Variants in ESR1 observed in about 807,000 individuals in gnomAD.
ESR1 encodes the protein estrogen receptor 1, also known as estrogen receptor.
Under a neutral mutation model 52.7 loss-of-function variants are expected in ESR1, and 12 were observed. That is an observed-to-expected ratio of 0.23 (90% confidence interval 0.15 to 0.37). ESR1 has a LOEUF of 0.37. ESR1 is among the 10% of genes least tolerant of loss of function. The pLI, the probability that ESR1 is intolerant of heterozygous loss-of-function variation, is 1.00. For missense variants in ESR1, 584 were observed against 779.7 expected (o/e 0.75, Z 2.99); for synonymous variants, 305 against 316.8 (o/e 0.96, Z 0.39).
At chr6:151,906,827 C>T (rs1378329702) in intron 3 of ESR1, among the ~76,000 whole-genome samples, 1 of 150,572 alleles carries the variant, frequency 6.6e-6, no homozygotes, top group Non-Finnish European at 1.5e-5. Flanking sequence ...ATCTTTCCTT[C>T]CCTGGACGCT....
chr6:152,082,072 A>G (rs544182914), intron 6 of ESR1, among the ~76,000 whole-genome samples: 1 of 152,340 alleles, frequency 6.6e-6, no homozygotes, highest in Admixed American at 6.5e-5. Flanking sequence ...AAACTATTCC[A>G]ATCAATAGAA....
At chr6:151,835,917 A>G (rs1783254517) in intron 1 of ESR1, among the ~76,000 whole-genome samples, 1 of 152,202 alleles carries the variant, frequency 6.6e-6, no homozygotes, top group East Asian at 1.9e-4. Flanking sequence ...ACATTCTCAA[A>G]CAGGTTTATG....
intron 5 of ESR1, among the ~76,000 whole-genome samples, chr6:152,031,028 C>G (rs1485021451): frequency 3.9e-5 from 6 of 152,150 alleles, no homozygotes; most frequent in African/African-American, 1.4e-4. Flanking sequence ...CAACCTGCTC[C>G]TGAATGACTA....
intron 3 of ESR1, among the ~76,000 whole-genome samples, chr6:151,920,062 A>G (rs1367899763): frequency 6.6e-6 from 1 of 152,168 alleles, no homozygotes; most frequent in Non-Finnish European, 1.5e-5. Flanking sequence ...GTTTTTATTT[A>G]TAGGCTGGTT....
At chr6:152,108,280 G>A (rs111930025) in intron 6 of ESR1, among the ~76,000 whole-genome samples, 6,018 of 152,278 alleles carry the variant, frequency 0.04, 186 homozygotes, top group Non-Finnish European at 0.056. Flanking sequence ...CAAAGCTGTC[G>A]GTCCTTCTAC....
intron 6 of ESR1, among the ~76,000 whole-genome samples, chr6:152,115,640 T>C (rs1181505968): frequency 1.3e-5 from 2 of 152,118 alleles, no homozygotes; most frequent in African/African-American, 4.8e-5. Flanking sequence ...CTATATGAAG[T>C]CAGGACACTT....
At chr6:151,852,436 A>G (rs970981234) in intron 2 of ESR1, among the ~76,000 whole-genome samples, 19 of 152,180 alleles carry the variant, frequency 1.2e-4, no homozygotes, top group Non-Finnish European at 2.6e-4. Flanking sequence ...CTTGTAAGAA[A>G]CACTCTTATT....
chr6:151,740,292 T>TC (rs1435492699), intron 2 of ESR1, among the ~76,000 whole-genome samples: 1 of 138,114 alleles, frequency 7.2e-6, no homozygotes, highest in Non-Finnish European at 1.5e-5. Flanking sequence ...CTAATTTTTT[T>TC]TTTTTTTTTT....
At chr6:151,687,033 G>A (rs74417951), upstream of ESR1, among the ~76,000 whole-genome samples, 3,474 of 152,246 alleles carry the variant, frequency 0.023, 136 homozygotes, top group African/African-American at 0.079. Flanking sequence ...ATGCCACCCT[G>A]AGACATGCCC....
In ESR1 at chr6:152,053,035, A is replaced by G. The variant is rs2046812041; in HGVS notation, c.1236-7956A>G. 1.3e-5 allele frequency among the ~76,000 whole-genome samples: 2 copies of G among 152,318 alleles called. No homozygotes were observed. Among genetic ancestry groups the G allele is most frequent in the South Asian group, 4.1e-4 (2 of 4,826 alleles). ...TACCTTCCCATATTCTCTGAAAATA[A>G]TATCACATTTGTTTAGTAAAAAAAT... On this transcript the variant is annotated intron_variant, in intron 5 of 7. Transcript: ENST00000206249. This position sits in a 1 kb window ranked among gnomAD's most constrained non-coding sequence, Gnocchi z 4.1.
intron 4 of ESR1, among the ~76,000 whole-genome samples, chr6:151,978,085 T>A (rs9397462): frequency 0.047 from 7,193 of 152,064 alleles, 488 homozygotes; most frequent in African/African-American, 0.15. Flanking sequence ...AAATACATTA[T>A]ACAAAAGTTC....
chr6:151,942,806 TG>T (rs2128519833), intron 3 of ESR1, among the ~76,000 whole-genome samples: 1 of 152,298 alleles, frequency 6.6e-6, no homozygotes, highest in South Asian at 2.1e-4. Flanking sequence ...TAAAAATAGT[TG>T]TATTAACTTT....
At chr6:151,956,873 TATATATAA>T (rs2037037221) in intron 4 of ESR1, among the ~76,000 whole-genome samples, 1 of 88,694 alleles carries the variant, frequency 1.1e-5, no homozygotes, top group Non-Finnish European at 3.0e-5. Flanking sequence ...AATATATATA[TATATATAA>T]AATTTTTTTT....
At chr6:151,957,985 A>G (rs1293704102) in intron 4 of ESR1, among the ~76,000 whole-genome samples, 1 of 152,200 alleles carries the variant, frequency 6.6e-6, no homozygotes. Flanking sequence ...TAATGGGGCT[A>G]CTGGAGCTTC....
intron 5 of ESR1, among the ~76,000 whole-genome samples, chr6:152,023,233 TTGTC>T (rs1366489953): frequency 6.6e-6 from 1 of 152,092 alleles, no homozygotes; most frequent in African/African-American, 2.4e-5. Flanking sequence ...TTTGAGGTAT[TTGTC>T]AGTGAGGAAA....
chr6:152,112,289 AT>A (rs1398087858), intron 6 of ESR1, among the ~76,000 whole-genome samples: 1 of 152,092 alleles, frequency 6.6e-6, no homozygotes, highest in African/African-American at 2.4e-5. Context: ...CAATATGGAG[AT>A]TTTTTTCCTC....
At chr6:151,751,031 A>G (rs1213001222) in intron 2 of ESR1, among the ~76,000 whole-genome samples, 1 of 152,246 alleles carries the variant, frequency 6.6e-6, no homozygotes, top group East Asian at 1.9e-4. Context: ...TAGTCTTCAG[A>G]TACTTAAAAC....
chr6:151,722,267 C>T (rs774417543), intron 2 of ESR1, among the ~76,000 whole-genome samples: 6 of 152,210 alleles, frequency 3.9e-5, no homozygotes, highest in Non-Finnish European at 8.8e-5. Flanking sequence ...TACCTGCCTG[C>T]TCAGAAGCTT....
At chr6:151,849,220 T>C (rs903690681) in intron 2 of ESR1, among the ~76,000 whole-genome samples, 1 of 152,196 alleles carries the variant, frequency 6.6e-6, no homozygotes, top group African/African-American at 2.4e-5. Flanking sequence ...CTGCATCAGG[T>C]ACCGTGCAAA....
Sources: gnomAD v4.1 joint callset for allele counts (sites outside exome capture counted in the v4.1 genomes callset) on GRCh38, gnomAD v4.1.1 for gene constraint, Gnocchi (gnomAD v3.1) non-coding constraint, MANE v1.5 for transcripts, NCBI Gene and HGNC (gene_info 2026-07-23, HGNC 2026-07-21) for gene names.